Variants in FOXN2 observed in about 807,000 individuals in gnomAD.
FOXN2 encodes the protein forkhead box protein N2.
A neutral mutation model predicts 41.2 loss-of-function variants in FOXN2; 19 were observed. The observed-to-expected ratio is 0.46, with a 90% CI of 0.32 to 0.68. The LOEUF (loss-of-function observed/expected upper bound fraction) is 0.68, where lower values mean the gene tolerates loss of function less well. Ranked by LOEUF, FOXN2 falls within the 30% of genes least tolerant of loss-of-function variation. The pLI, the probability that FOXN2 is intolerant of heterozygous loss-of-function variation, is 0.03. For missense variants in FOXN2, 587 were observed against 509.4 expected, an observed-to-expected ratio of 1.15 and a Z score of -1.47; for synonymous variants, 195 against 176.8, an observed-to-expected ratio of 1.10 and a Z score of -0.82.
In FOXN2 at chr2:48,375,718, C is replaced by T. The variant is rs916474135; in HGVS notation, c.*275C>T. On this transcript the variant is annotated 3_prime_UTR_variant, in exon 7 of 7. Transcript: ENST00000340553. ...TTTTATATAAGAAAATCCCCAGCCT[C>T]TGTCTTAAACTTGTGGGACAAAAAT... 4 of 265,892 alleles carry T rather than the reference C, an allele frequency of 1.5e-5. No individual in the cohort carries two copies. Among genetic ancestry groups the T allele is most frequent in the Non-Finnish European group, 2.9e-5 (4 of 140,350 alleles). The allele number at this position is 265,892 out of a possible 1,614,324, so 16.5% of individuals were successfully genotyped here.
chr2:48,363,558 C>G (rs192097641), intron 5 of FOXN2, among the ~76,000 whole-genome samples: 14 of 152,196 alleles, frequency 9.2e-5, no homozygotes, highest in Non-Finnish European at 1.6e-4. Context: ...CTCTGGCTCA[C>G]CCAGAGCAAT....
chr2:48,351,873 T>A (rs887138055), intron 3 of FOXN2, among the ~76,000 whole-genome samples: 3 of 152,100 alleles, frequency 2.0e-5, no homozygotes, highest in Non-Finnish European at 4.4e-5. Flanking sequence ...GAAGTGTGCT[T>A]TGAAAAAAGA....
chr2:48,328,090 A>T (rs781701756), intron 1 of FOXN2, among the ~76,000 whole-genome samples: 2 of 152,234 alleles, frequency 1.3e-5, no homozygotes, highest in Non-Finnish European at 2.9e-5. Flanking sequence ...CTGCATGACT[A>T]TGACTTATAT....
At chr2:48,363,207 C>CT (rs1381348650) in intron 5 of FOXN2, among the ~76,000 whole-genome samples, 1 of 151,846 alleles carries the variant, frequency 6.6e-6, no homozygotes, top group Non-Finnish European at 1.5e-5. Context: ...TGATCTTGAC[C>CT]CTGTGTATGC....
rs1186564847 is a variant in FOXN2, at chr2:48,376,117, T to G, written c.*674T>G. 6.6e-6 allele frequency: 1 copy of G among 152,160 alleles called. No homozygotes were observed. Among genetic ancestry groups the G allele is most frequent in the East Asian group, 1.9e-4 (1 of 5,198 alleles). 9.4% of individuals were successfully genotyped at this position (152,160 alleles called of 1,614,324 possible). A position where few individuals can be genotyped will look rare whatever the true frequency, so the allele number is the denominator to read the frequency against. ...ACACTCCCAATTCCTATTAGAATGG[T>G]AGCTTTGAAGTGTTTTTACTTCAGA... On this transcript the variant is annotated 3_prime_UTR_variant, in exon 7 of 7. Transcript: ENST00000340553.
chr2:48,341,075 CT>C (rs910682340), intron 2 of FOXN2, among the ~76,000 whole-genome samples: 5 of 151,468 alleles, frequency 3.3e-5, no homozygotes, highest in African/African-American at 9.7e-5. Context: ...CTATTTTGGC[CT>C]TTTTTTTGAG....
At chr2:48,347,859 C>G (rs754533911) in intron 3 of FOXN2, among the ~76,000 whole-genome samples, 1 of 151,834 alleles carries the variant, frequency 6.6e-6, no homozygotes, top group Non-Finnish European at 1.5e-5. Context: ...ACATTTTTTT[C>G]TTCTATGTAT....
intron 2 of FOXN2, among the ~76,000 whole-genome samples, chr2:48,333,538 G>C (rs1178114139): frequency 1.3e-5 from 2 of 152,076 alleles, no homozygotes; most frequent in Admixed American, 1.3e-4. Flanking sequence ...TTGTTGGGGG[G>C]AATCACGAAG....
At chr2:48,317,544 C>G (rs1433840529) in intron 1 of FOXN2, among the ~76,000 whole-genome samples, 1 of 137,900 alleles carries the variant, frequency 7.3e-6, no homozygotes, top group East Asian at 2.2e-4. Flanking sequence ...TCACATGTGA[C>G]TTCAAAATTA....
intron 3 of FOXN2, among the ~76,000 whole-genome samples, chr2:48,356,403 TG>T (rs1470254705): frequency 1.3e-5 from 2 of 152,078 alleles, no homozygotes; most frequent in African/African-American, 4.8e-5. Flanking sequence ...ATCGCGCCAC[TG>T]CACTCCAGCC....
intron 3 of FOXN2, among the ~76,000 whole-genome samples, chr2:48,357,431 C>A (rs187531367): frequency 3.1e-4 from 47 of 151,746 alleles, no homozygotes; most frequent in African/African-American, 1.1e-3. Flanking sequence ...AGTAATGCTG[C>A]GTATCTTTTC....
intron 5 of FOXN2, among the ~76,000 whole-genome samples, chr2:48,367,726 T>C (rs1486149114): frequency 2.0e-5 from 3 of 152,270 alleles, no homozygotes; most frequent in African/African-American, 7.2e-5. Flanking sequence ...AACCTTACTC[T>C]CATATGGCTA....
chr2:48,363,954 C>T (rs938955685), intron 5 of FOXN2, among the ~76,000 whole-genome samples: 2 of 152,130 alleles, frequency 1.3e-5, no homozygotes, highest in African/African-American at 2.4e-5. Context: ...TAAGAGATGG[C>T]GTCTTGCCAT....
intron 5 of FOXN2, among the ~76,000 whole-genome samples, chr2:48,370,237 A>G (rs1248084570): frequency 1.3e-5 from 2 of 152,168 alleles, no homozygotes; most frequent in East Asian, 1.9e-4. Context: ...GAGACACAAT[A>G]TGGGCTAGCG....
At chr2:48,337,367 A>G (rs377387131) in intron 2 of FOXN2, among the ~76,000 whole-genome samples, 3 of 148,398 alleles carry the variant, frequency 2.0e-5, no homozygotes, top group Non-Finnish European at 4.4e-5. Context: ...GTGTGATCTC[A>G]GCTCGCTGTA....
In FOXN2 at chr2:48,329,072, T is replaced by C. The variant is rs563829202; in HGVS notation, c.-15+370T>C. Among the ~76,000 whole-genome samples, 5 of 152,300 alleles carry C rather than the reference T, an allele frequency of 3.3e-5. No individual in the cohort carries two copies. In the South Asian group the frequency reaches 1.0e-3, roughly 32 times the overall value. ...GTTTCTGTGAAACGGAGGAGGATTG[T>C]GTACTAGAGACTCATCTTGATGTAT... On this transcript the variant is annotated intron_variant, in intron 2 of 6. Coordinates refer to ENST00000340553, the MANE Select transcript of FOXN2 (RefSeq NM_002158.4).
At chr2:48,343,078 T>G (rs1670877014) in intron 2 of FOXN2, among the ~76,000 whole-genome samples, 1 of 152,224 alleles carries the variant, frequency 6.6e-6, no homozygotes, top group Non-Finnish European at 1.5e-5. Flanking sequence ...TATTTCTGTT[T>G]TAAGTAGTAT....
Position 48,346,767 on chromosome 2 carries a change from C to A in FOXN2, c.537+16C>A. 1 of 1,545,616 alleles carries A rather than the reference C, an allele frequency of 6.5e-7. No homozygotes were observed. Among genetic ancestry groups the A allele is most frequent in the Non-Finnish European group, 8.7e-7 (1 of 1,153,252 alleles). On this transcript the variant is annotated intron_variant, in intron 3 of 6. Coordinates refer to ENST00000340553, the MANE Select transcript of FOXN2 (RefSeq NM_002158.4). ...CCATGGCAAGGTCAGTGTTTATGAA[C>A]ATTGCTATATTTGGTGAGGTGGGGG...
intron 2 of FOXN2, 41 bp from the exon 3 acceptor site, chr2:48,346,160 A>C: frequency 1.3e-6 from 2 of 1,491,646 alleles, no homozygotes; most frequent in Non-Finnish European, 1.8e-6. Context: ...AGAGTTTAAG[A>C]ATCTAAAGTA....
Sources: gnomAD v4.1 joint callset for allele counts (sites outside exome capture counted in the v4.1 genomes callset) on GRCh38, gnomAD v4.1.1 for gene constraint, MANE v1.5 for transcripts, NCBI Gene and HGNC (gene_info 2026-07-23, HGNC 2026-07-21) for gene names.